The following KIF18A variants were observed in gnomAD, a reference collection of about 807,000 sequenced individuals.
The protein encoded by KIF18A is kinesin family member 18A, also known as kinesin-like protein KIF18A.
In KIF18A, 67 loss-of-function variants were observed where a neutral mutation model predicts 103.3. That is an observed-to-expected ratio of 0.65 (90% CI 0.53 to 0.79). KIF18A has a LOEUF of 0.79. Among genes scored for constraint, KIF18A ranks in the 30% least tolerant of loss-of-function variants. KIF18A has a pLI of 0.00. For missense variants in KIF18A, 1,032 were observed against 1,062.5 expected (o/e 0.97, Z 0.40); for synonymous variants, 367 against 355.5 (o/e 1.03, Z -0.36).
intron 15 of KIF18A, among the ~76,000 whole-genome samples, chr11:28,031,986 A>T (rs1011527535): frequency 1.3e-5 from 2 of 151,938 alleles, no homozygotes; most frequent in Non-Finnish European, 2.9e-5. Flanking sequence ...ATATATTTGG[A>T]AAAACGTAGA....
At chr11:28,038,579 T>C (rs1850522604) in intron 13 of KIF18A, among the ~76,000 whole-genome samples, 1 of 151,712 alleles carries the variant, frequency 6.6e-6, no homozygotes, top group Non-Finnish European at 1.5e-5. Context: ...GTGTTATGCA[T>C]TTCAATAAAG....
intron 15 of KIF18A, among the ~76,000 whole-genome samples, chr11:28,024,233 G>A (rs1565067202): frequency 6.9e-6 from 1 of 145,534 alleles, no homozygotes; most frequent in Non-Finnish European, 1.5e-5. Context: ...TTACAAATTT[G>A]GACCAAGAAT....
intron 6 of KIF18A, among the ~76,000 whole-genome samples, chr11:28,085,783 A>T (rs1851219936): frequency 6.6e-6 from 1 of 151,912 alleles, no homozygotes; most frequent in South Asian, 2.1e-4. Flanking sequence ...TTGTGTCTTT[A>T]TTTATTACAA....
At chr11:28,069,732 G>A (rs1202385984) in intron 10 of KIF18A, among the ~76,000 whole-genome samples, 1 of 151,216 alleles carries the variant, frequency 6.6e-6, no homozygotes, top group Non-Finnish European at 1.5e-5. Context: ...CCTTCAGTAT[G>A]TTTCATTTGA....
intron 3 of KIF18A, among the ~76,000 whole-genome samples, chr11:28,093,721 A>T (rs1357946459): frequency 6.6e-6 from 1 of 152,054 alleles, no homozygotes; most frequent in African/African-American, 2.4e-5. Flanking sequence ...TAAGGGGAAA[A>T]CTCTTCCTTA....
At chr11:28,036,081 A>T in intron 14 of KIF18A, 136 bp downstream of exon 14, 1 of 585,134 alleles carries the variant, frequency 1.7e-6, no homozygotes. Flanking sequence ...AGAGAGAAAG[A>T]TAATTAAAAT....
Position 28,097,975 on chromosome 11 carries a change from TA to T in KIF18A, c.-29del, listed in dbSNP as rs1851397818. 1 of 1,450,576 alleles carries T rather than the reference TA, an allele frequency of 6.9e-7. No homozygotes were observed. The highest frequency in any genetic ancestry group is 2.3e-5 in the Admixed American group (1 of 42,730). 89.9% of individuals were successfully genotyped at this position (1,450,576 alleles called of 1,614,324 possible). A position where few individuals can be genotyped will look rare whatever the true frequency, so the allele number is the denominator to read the frequency against. On this transcript the variant is annotated 5_prime_UTR_variant, in exon 2 of 17. An upstream open reading frame in the 5' UTR gains an earlier in-frame stop. Coordinates refer to ENST00000263181, the MANE Select transcript of KIF18A (RefSeq NM_031217.4). ...TTGATTATCTTGATTCCTATCTGTA[TA>T]AATACTTGAATACTTCTCTGAAATT... is the stretch of plus-strand genomic sequence containing the variant.
At chr11:28,089,187 T>C (rs1851269959) in intron 5 of KIF18A, among the ~76,000 whole-genome samples, 1 of 152,230 alleles carries the variant, frequency 6.6e-6, no homozygotes, top group Non-Finnish European at 1.5e-5. Flanking sequence ...CCCAAACCTG[T>C]ATATGTCCTC....
At chr11:28,056,427 A>T (rs886537866) in intron 13 of KIF18A, among the ~76,000 whole-genome samples, 1 of 152,146 alleles carries the variant, frequency 6.6e-6, no homozygotes, top group Non-Finnish European at 1.5e-5. Flanking sequence ...AAGAGAAAAA[A>T]ACATTAAAAG....
chr11:28,094,938 C>G (rs772024511), intron 2 of KIF18A, 138 bp from the exon 3 acceptor site: 2 of 775,996 alleles, frequency 2.6e-6, no homozygotes, highest in African/African-American at 1.8e-5. Flanking sequence ...TAGTCTTATC[C>G]TTAAAACCTG....
chr11:28,074,616 T>C (rs191076533), intron 10 of KIF18A, among the ~76,000 whole-genome samples: 19 of 152,288 alleles, frequency 1.2e-4, no homozygotes, highest in Non-Finnish European at 2.8e-4. Context: ...TTATGATTAA[T>C]TTCCGGTACA....
chr11:28,047,056 GAAAAAAAAAAA>G (rs60204007), intron 13 of KIF18A, among the ~76,000 whole-genome samples: 2 of 71,132 alleles, frequency 2.8e-5, no homozygotes, highest in African/African-American at 1.3e-4. Context: ...CTTCGTCTCA[GAAAAAAAAAAA>G]AAAAAAAAAA....
At chr11:28,107,006 T>C (rs932201870) in intron 1 of KIF18A, among the ~76,000 whole-genome samples, 1 of 152,106 alleles carries the variant, frequency 6.6e-6, no homozygotes, top group Admixed American at 6.5e-5. Flanking sequence ...GGAGATTAAT[T>C]ACTACTATTA....
chr11:28,038,366 C>T (rs1850520065), intron 13 of KIF18A, among the ~76,000 whole-genome samples: 1 of 151,532 alleles, frequency 6.6e-6, no homozygotes. Flanking sequence ...TTTCAATTAA[C>T]TTTTTTCTAC....
intron 13 of KIF18A, among the ~76,000 whole-genome samples, chr11:28,049,444 A>G (rs1850683580): frequency 6.6e-6 from 1 of 152,008 alleles, no homozygotes; most frequent in South Asian, 2.1e-4. Context: ...TAATTTATCA[A>G]AAGTTTAAGA....
intron 11 of KIF18A, among the ~76,000 whole-genome samples, chr11:28,068,524 G>A (rs184505259): frequency 8.1e-4 from 120 of 148,800 alleles, no homozygotes; most frequent in South Asian, 3.4e-3. Flanking sequence ...TCTATCTACA[G>A]ATAGCCATGT....
At position 28,080,615 on chromosome 11, in the gene KIF18A, C is replaced by T. The variant is rs1161216691; in HGVS notation, c.1262+2241G>A. 5.3e-5 allele frequency among the ~76,000 whole-genome samples: 8 copies of T among 152,186 alleles called. No individual in the cohort carries two copies. In the East Asian group the frequency reaches 9.7e-4, roughly 18 times the overall value. Reference sequence around the variant, plus strand: ...TAATCAAGTGTTGTGTGTGCTCTGACGGCTCCACTGACTGGCTGTTTCCCT... The same window carrying T: ...TAATCAAGTGTTGTGTGTGCTCTGATGGCTCCACTGACTGGCTGTTTCCCT... On this transcript the variant is annotated intron_variant, in intron 9 of 16. Transcript: ENST00000263181.
rs573905443 is a variant in KIF18A, at chr11:28,024,365, C to T, written c.2505-515G>A. On this transcript the variant is annotated intron_variant, in intron 15 of 16. Transcript: ENST00000263181. ...CAGAAACTGAAATAAAAAGAATGAC[C>T]TGTTTTCATTTGCTCTAGCTTCAAA... is the stretch of plus-strand genomic sequence containing the variant. Among the ~76,000 whole-genome samples the T allele has an allele frequency of 3.9e-5, 6 of 151,994 alleles. No homozygotes were observed. In the South Asian group the frequency reaches 1.2e-3, roughly 32 times the overall value.
At chr11:28,094,269 C>T (rs1490831791) in intron 3 of KIF18A, among the ~76,000 whole-genome samples, 4 of 152,020 alleles carry the variant, frequency 2.6e-5, no homozygotes, top group African/African-American at 9.7e-5. Flanking sequence ...TTGCTAATTT[C>T]CTGATTTTGG....
Sources: allele counts gnomAD v4.1 joint callset (sites outside exome capture counted in the v4.1 genomes callset), GRCh38; gene constraint gnomAD v4.1.1; transcripts MANE v1.5; gene names NCBI Gene and HGNC (gene_info 2026-07-23, HGNC 2026-07-21).